Variants in GNPTAB observed in about 807,000 individuals in gnomAD.
GNPTAB encodes N-acetylglucosamine-1-phosphotransferase subunits alpha/beta.
A neutral mutation model predicts 136.6 loss-of-function variants in GNPTAB; 92 were observed. The ratio of observed to expected loss-of-function variants is 0.67; its 90% CI spans 0.57 to 0.80. The LOEUF (loss-of-function observed/expected upper bound fraction) is 0.80, where lower values mean the gene tolerates loss of function less well. Ranked by LOEUF, GNPTAB falls within the 30% of genes least tolerant of loss-of-function variation. The pLI, the probability that GNPTAB is intolerant of heterozygous loss-of-function variation, is 0.00. For synonymous variants in GNPTAB, 512 were observed against 535.1 expected, an observed-to-expected ratio of 0.96 and a Z score of 0.60; for missense variants, 1,343 against 1,501.8, an observed-to-expected ratio of 0.89 and a Z score of 1.75.
chr12:101,776,835 C>CA (rs1953268074), intron 7 of GNPTAB, among the ~76,000 whole-genome samples: 1 of 152,228 alleles, frequency 6.6e-6, no homozygotes, highest in African/African-American at 2.4e-5. Context: ...ATCTGTAGGG[C>CA]AGAGCTGAGC....
chr12:101,781,180 C>A (rs529718939), intron 5 of GNPTAB, among the ~76,000 whole-genome samples: 1 of 152,288 alleles, frequency 6.6e-6, no homozygotes, highest in East Asian at 1.9e-4. Flanking sequence ...GGGGGTGACA[C>A]AGCCCAACTG....
At chr12:101,758,158 T>C (rs1200970853) in intron 16 of GNPTAB, among the ~76,000 whole-genome samples, 1 of 151,858 alleles carries the variant, frequency 6.6e-6, no homozygotes, top group Non-Finnish European at 1.5e-5. Flanking sequence ...CCTGTCTCAG[T>C]TTCCCGAGTA....
intron 6 of GNPTAB, 123 bp downstream of exon 6, chr12:101,780,434 A>G (rs1391477833): frequency 9.3e-7 from 1 of 1,070,246 alleles, no homozygotes; most frequent in East Asian, 2.5e-5. Flanking sequence ...AGTCATTAAT[A>G]TTAGTAAGCT....
chr12:101,820,841 T>C (rs1300795123), intron 1 of GNPTAB, among the ~76,000 whole-genome samples: 1 of 152,060 alleles, frequency 6.6e-6, no homozygotes, highest in African/African-American at 2.4e-5. Flanking sequence ...GTGGATCACC[T>C]GAGGTCAGGA....
chr12:101,766,380 G>A (rs1953093939), intron 11 of GNPTAB, 86 bp from the exon 12 acceptor site: 1 of 1,169,702 alleles, frequency 8.5e-7, no homozygotes, highest in Admixed American at 1.7e-5. Flanking sequence ...GCTGACGCCT[G>A]TAATCTCAAC....
intron 7 of GNPTAB, among the ~76,000 whole-genome samples, chr12:101,776,463 A>AT (rs1474848271): frequency 6.6e-6 from 1 of 152,370 alleles, no homozygotes; most frequent in East Asian, 1.9e-4. Context: ...GAAAAGACTG[A>AT]TTTATAAGAC....
intron 1 of GNPTAB, among the ~76,000 whole-genome samples, chr12:101,808,375 TAAAAA>T (rs779978335): frequency 2.8e-5 from 3 of 106,704 alleles, no homozygotes; most frequent in South Asian, 2.9e-4. Flanking sequence ...CCCGGGCAAT[TAAAAA>T]AAAAAAAAAA....
chr12:101,789,512 TCTCA>T (rs2137149413), intron 3 of GNPTAB, among the ~76,000 whole-genome samples: 1 of 152,262 alleles, frequency 6.6e-6, no homozygotes, highest in African/African-American at 2.4e-5. Context: ...TGAGACAGGG[TCTCA>T]CTCTGTCACC....
chr12:101,761,460 G>C, intron 14 of GNPTAB, 104 bp downstream of exon 14: 1 of 1,408,952 alleles, frequency 7.1e-7, no homozygotes, highest in Non-Finnish European at 1.0e-6. Context: ...TAACATATTA[G>C]TCATCAAATA....
In GNPTAB at chr12:101,764,920, A is replaced by T; in HGVS notation, c.1997T>A (p.Phe666Tyr). 1 of 1,613,878 alleles carries T rather than the reference A, an allele frequency of 6.2e-7. No individual in the cohort carries two copies. Among genetic ancestry groups the T allele is most frequent in the Non-Finnish European group, 8.5e-7 (1 of 1,180,024 alleles). ...ITLLPEAEIL[F>Y]EDIPKEKRFP... ...GCGTTTTTCTTTGGGAATATCCTCA[A>T]AAAGGATTTCCGCCTCTGGAAGAAG... The change falls in exon 13 of 21, where the codon TTT (phenylalanine) becomes TAT (tyrosine). Residue 666 changes from phenylalanine to tyrosine, a missense_variant. By Grantham distance (22) the Phe-to-Tyr change is conservative (BLOSUM62 3). Transcript: ENST00000299314.
chr12:101,780,795 A>C (rs1315068803), intron 5 of GNPTAB, among the ~76,000 whole-genome samples, 174 bp from the exon 6 acceptor site: 2 of 152,372 alleles, frequency 1.3e-5, no homozygotes, highest in Middle Eastern at 3.4e-3. Flanking sequence ...GAACAATGTA[A>C]ATCAGTGTAC....
rs150647114 is a variant in GNPTAB at position 101,757,700 on chromosome 12, A to G, written c.3250-43T>C. ...TAGATCAGATATCACATCAGAGCTGAAACTAGGGCAATTTAGTCCTAATCT... is the reference window on the plus strand; with the variant it reads ...TAGATCAGATATCACATCAGAGCTGGAACTAGGGCAATTTAGTCCTAATCT... On this transcript the variant is annotated intron_variant, in intron 16 of 20. Coordinates refer to ENST00000299314, the MANE Select transcript of GNPTAB (RefSeq NM_024312.5). 7.3e-4 allele frequency: 678 copies of G among 935,084 alleles called. 1 individual carries two copies. The African/African-American group carries it at 0.01, about 14-fold the overall frequency. 57.9% of individuals were successfully genotyped at this position (935,084 alleles called of 1,614,324 possible). A position where few individuals can be genotyped will look rare whatever the true frequency, so the allele number is the denominator to read the frequency against.
In GNPTAB at chr12:101,753,434, G is replaced by A. The variant is rs777256692; in HGVS notation, c.3540C>T (p.Ser1180=). The change falls in exon 19 of 21, where the codon TCC becomes TCT. Residue 1180 remains serine (S), a synonymous_variant. Transcript: ENST00000299314. ...GATACTCTCTTGGCAGTTCAAATTG[G>A]GAAGGTATGGGGAACATGGATTCAT... The part of the protein sequence containing the change: ...DFYESMFPIP[S]QFELPREYRN... The A allele has an allele frequency of 1.2e-6, 2 of 1,613,802 alleles. No homozygotes were observed. Among genetic ancestry groups the A allele is most frequent in the East Asian group, 4.5e-5 (2 of 44,862 alleles).
chr12:101,769,085 A>G (rs561707458), intron 10 of GNPTAB, among the ~76,000 whole-genome samples: 2 of 152,336 alleles, frequency 1.3e-5, no homozygotes, highest in African/African-American at 4.8e-5. Flanking sequence ...GTTTTGTGTT[A>G]TTAGCACTTA....
chr12:101,804,901 T>C (rs1452868299), intron 1 of GNPTAB, among the ~76,000 whole-genome samples: 1 of 152,210 alleles, frequency 6.6e-6, no homozygotes, highest in African/African-American at 2.4e-5. Context: ...TCTTATCCCC[T>C]AAGGGGTTGT....
intron 1 of GNPTAB, among the ~76,000 whole-genome samples, chr12:101,798,054 C>T (rs1175832430): frequency 6.6e-6 from 1 of 152,156 alleles, no homozygotes; most frequent in Non-Finnish European, 1.5e-5. Flanking sequence ...AGGTCATCTC[C>T]TGCTTTCCCA....
chr12:101,780,067 G>A (rs1953317618), intron 7 of GNPTAB, 85 bp downstream of exon 7: 3 of 1,322,956 alleles, frequency 2.3e-6, no homozygotes, highest in South Asian at 1.2e-5. Context: ...GCTAAACTTT[G>A]GGGGAAAAAA....
chr12:101,826,157 C>T (rs762960218), intron 1 of GNPTAB, among the ~76,000 whole-genome samples: 17 of 152,174 alleles, frequency 1.1e-4, no homozygotes, highest in Non-Finnish European at 2.4e-4. Context: ...CTCCTTTTCA[C>T]AGAAAATAAC....
At chr12:101,794,570 AT>A (rs1305121162) in intron 2 of GNPTAB, among the ~76,000 whole-genome samples, 1 of 152,198 alleles carries the variant, frequency 6.6e-6, no homozygotes, top group Non-Finnish European at 1.5e-5. Context: ...GTATCTTAAA[AT>A]ATATTAGACC....
Sources: gnomAD v4.1 joint callset for allele counts (sites outside exome capture counted in the v4.1 genomes callset) on GRCh38, gnomAD v4.1.1 for gene constraint, MANE v1.5 for transcripts, NCBI Gene and HGNC (gene_info 2026-07-23, HGNC 2026-07-21) for gene names.